SYK: variants seen among roughly 807,000 people sequenced by gnomAD.
SYK encodes the protein tyrosine-protein kinase SYK.
Under a neutral mutation model 77.8 loss-of-function variants are expected in SYK, and 16 were observed. The observed-to-expected ratio is 0.21, with a 90% CI of 0.14 to 0.31. The LOEUF is 0.31. Among genes scored for constraint, SYK ranks in the 10% least tolerant of loss-of-function variants. SYK has a pLI of 1.00. For synonymous variants in SYK, 312 were observed against 308.7 expected, an observed-to-expected ratio of 1.01 and a Z score of -0.11; for missense variants, 529 against 814.4, an observed-to-expected ratio of 0.65 and a Z score of 4.26.
chr9:90,867,849 T>C (rs1337855394), intron 7 of SYK, among the ~76,000 whole-genome samples: 1 of 152,232 alleles, frequency 6.6e-6, no homozygotes, highest in African/African-American at 2.4e-5. Flanking sequence ...TTCATGACTT[T>C]TATTTATAAT....
rs1828959243 is a variant in SYK, at chr9:90,895,748, C to T, written c.*148C>T. The T allele has an allele frequency of 4.2e-6, 3 of 711,360 alleles. No homozygotes were observed. The highest frequency in any genetic ancestry group is 7.2e-6 in the Non-Finnish European group (3 of 418,726). The allele number at this position is 711,360 out of a possible 1,614,324, so 44.1% of individuals were successfully genotyped here. A position where few individuals can be genotyped will look rare whatever the true frequency, so the allele number is the denominator to read the frequency against. On this transcript the variant is annotated 3_prime_UTR_variant, in exon 14 of 14. Coordinates refer to ENST00000375754, the MANE Select transcript of SYK (RefSeq NM_003177.7). This position sits in a 1 kb window ranked among gnomAD's most constrained non-coding sequence, Gnocchi z 4.4. ...CATGCCCACAACTTGTCACCCAAAGCCTGTCCCAGGACTCACCCTCCACAA... is the reference window on the plus strand; with the variant it reads ...CATGCCCACAACTTGTCACCCAAAGTCTGTCCCAGGACTCACCCTCCACAA...
intron 11 of SYK, among the ~76,000 whole-genome samples, chr9:90,882,897 C>T (rs10993744): frequency 0.43 from 64,910 of 151,876 alleles, 14,494 homozygotes; most frequent in Middle Eastern, 0.58. Context: ...CCCCAGGGCT[C>T]CACATTCCAG....
At chr9:90,867,251 C>G (rs1433566483) in intron 7 of SYK, 52 bp downstream of exon 7, 1 of 1,575,714 alleles carries the variant, frequency 6.3e-7, no homozygotes, top group Admixed American at 1.7e-5. Flanking sequence ...GACCAACGCG[C>G]ACTCAGCTCC....
At chr9:90,820,128 C>T (rs1168098710) in intron 1 of SYK, among the ~76,000 whole-genome samples, 1 of 152,208 alleles carries the variant, frequency 6.6e-6, no homozygotes, top group Non-Finnish European at 1.5e-5. Flanking sequence ...CAGCTTCATC[C>T]CTGTGGCTTT....
At chr9:90,814,099 T>TAACAGATATTTCTCA (rs879721930) in intron 1 of SYK, among the ~76,000 whole-genome samples, 1 of 152,226 alleles carries the variant, frequency 6.6e-6, no homozygotes, top group Non-Finnish European at 1.5e-5. Flanking sequence ...ATTTCTCATA[T>TAACAGATATTTCTCA]TGTAATATAT....
Position 90,872,116 on chromosome 9 carries a change from T to A in SYK, c.916-2088T>A, listed in dbSNP as rs147637607. ...ATATTTTGACAACCCCATCTCTGTTTTAAAATTCTTCCCTGCAGGATTCAT... is the reference window on the plus strand; with the variant it reads ...ATATTTTGACAACCCCATCTCTGTTATAAAATTCTTCCCTGCAGGATTCAT... On this transcript the variant is annotated intron_variant, in intron 7 of 13. Transcript: ENST00000375754. 2.6e-3 allele frequency among the ~76,000 whole-genome samples: 395 copies of A among 152,352 alleles called. 1 individual carries two copies. Among genetic ancestry groups the A allele is most frequent in the Non-Finnish European group, 4.6e-3 (316 of 68,030 alleles).
intron 1 of SYK, among the ~76,000 whole-genome samples, chr9:90,823,053 C>T (rs570829236): frequency 6.6e-6 from 1 of 152,252 alleles, no homozygotes; most frequent in African/African-American, 2.4e-5. Context: ...TTTGCAAGAG[C>T]CTTGTCTCAG....
intron 1 of SYK, among the ~76,000 whole-genome samples, chr9:90,811,429 G>A (rs1825066956): frequency 6.6e-6 from 1 of 151,966 alleles, no homozygotes; most frequent in South Asian, 2.1e-4. Flanking sequence ...TGACAAAAGT[G>A]GAGAAATATT....
At chr9:90,819,400 A>G in intron 1 of SYK, among the ~76,000 whole-genome samples, 1 of 152,216 alleles carries the variant, frequency 6.6e-6, no homozygotes, top group East Asian at 1.9e-4. Flanking sequence ...ACTGCTGATA[A>G]AGACATGCCC....
intron 1 of SYK, among the ~76,000 whole-genome samples, chr9:90,828,754 C>A (rs932651497): frequency 1.3e-5 from 2 of 152,174 alleles, no homozygotes; most frequent in Non-Finnish European, 2.9e-5. Context: ...GCATGTACTT[C>A]TTCCTGGTGG....
rs746010260 is a variant in SYK at position 90,844,239 on chromosome 9, A to G, written c.341A>G (p.Gln114Arg). ...KKPFNRPQGVQPKTGPFEDLK... is the reference protein window; with the variant it reads ...KKPFNRPQGVRPKTGPFEDLK... ...CCCTTCAACCGGCCCCAAGGGGTGC[A>G]GCCCAAGACTGGGCCCTTTGAGGAT... Residue 114 changes from glutamine (Q) to arginine (R), a missense_variant, in exon 2 of 14, where the codon CAG (glutamine) becomes CGG (arginine). Coordinates refer to ENST00000375754, the MANE Select transcript of SYK (RefSeq NM_003177.7). 6.2e-7 allele frequency: 1 copy of G among 1,614,190 alleles called. No homozygotes were observed. Among genetic ancestry groups the G allele is most frequent in the Non-Finnish European group, 8.5e-7 (1 of 1,180,008 alleles).
intron 3 of SYK, among the ~76,000 whole-genome samples, chr9:90,858,837 G>T (rs1827140336): frequency 6.6e-6 from 1 of 152,216 alleles, no homozygotes; most frequent in African/African-American, 2.4e-5. Flanking sequence ...GGGCTGCCCA[G>T]GCCACATGTC....
chr9:90,862,223 A>G lies in SYK; in HGVS notation c.596A>G (p.Asn199Ser). 1 of 1,612,802 alleles carries G rather than the reference A, an allele frequency of 6.2e-7. No homozygotes were observed. Among genetic ancestry groups the G allele is most frequent in the Non-Finnish European group, 8.5e-7 (1 of 1,179,250 alleles). The change falls in exon 4 of 14, where the codon AAC (asparagine) becomes AGC (serine). Residue 199 changes from asparagine (N) to serine (S), a missense_variant. This residue lies in a region of SYK where 321 missense variants were observed against 433.1 expected (regional missense o/e 0.74). Coordinates refer to ENST00000375754, the MANE Select transcript of SYK (RefSeq NM_003177.7). ...NGKFLIRARD[N>S]NGSYALCLLH... is the part of the protein sequence containing the mutation. ...TCTTCTAGGATCCGAGCCAGAGACA[A>G]CAACGGCTCCTACGCCCTGTGCCTG...
intron 3 of SYK, among the ~76,000 whole-genome samples, chr9:90,855,011 T>TACACACACACACACACACAC (rs55839931): frequency 6.1e-4 from 87 of 143,412 alleles, no homozygotes; most frequent in Middle Eastern, 6.9e-3. Flanking sequence ...CACACATACA[T>TACACACACACACACACACAC]ACACACACAC....
intron 11 of SYK, among the ~76,000 whole-genome samples, chr9:90,886,602 G>A (rs1341927117): frequency 6.6e-6 from 1 of 152,192 alleles, no homozygotes; most frequent in Non-Finnish European, 1.5e-5. Flanking sequence ...CTACCTGGGA[G>A]GCTGAGGCAG....
In SYK at chr9:90,895,778, A is replaced by G; in HGVS notation, c.*178A>G. The G allele has an allele frequency of 1.8e-6, 1 of 569,730 alleles. No individual in the cohort carries two copies. Among genetic ancestry groups the G allele is most frequent in the Non-Finnish European group, 3.1e-6 (1 of 319,346 alleles). The allele number at this position is 569,730 out of a possible 1,614,324, so 35.3% of individuals were successfully genotyped here. On this transcript the variant is annotated 3_prime_UTR_variant, in exon 14 of 14. Transcript: ENST00000375754. The surrounding 1 kb of genome is among the most constrained non-coding windows in gnomAD (Gnocchi z 4.4). ...CCCAGGACTCACCCTCCACAAAGCAAAGGCAGTCCCGGGAGAAAAGACGGA... is the reference window on the plus strand; with the variant it reads ...CCCAGGACTCACCCTCCACAAAGCAGAGGCAGTCCCGGGAGAAAAGACGGA...
chr9:90,889,890 G>A (rs1828723118), intron 13 of SYK, among the ~76,000 whole-genome samples: 1 of 152,216 alleles, frequency 6.6e-6, no homozygotes, highest in Non-Finnish European at 1.5e-5. Context: ...GGCAGCACTG[G>A]ACCCTGGGGA....
At chr9:90,851,684 G>A (rs969536256) in intron 3 of SYK, among the ~76,000 whole-genome samples, 1 of 152,166 alleles carries the variant, frequency 6.6e-6, no homozygotes, top group Non-Finnish European at 1.5e-5. Context: ...GCCCCCAGAG[G>A]CCTTGTATAG....
intron 1 of SYK, among the ~76,000 whole-genome samples, chr9:90,820,554 CT>C (rs1158598606): frequency 6.6e-6 from 1 of 152,236 alleles, no homozygotes; most frequent in Non-Finnish European, 1.5e-5. Context: ...ACGGTGGCCC[CT>C]TTCAGCCACA....
Sources: allele counts gnomAD v4.1 joint callset (sites outside exome capture counted in the v4.1 genomes callset), GRCh38; gene constraint gnomAD v4.1.1; regional missense constraint gnomAD v4.1.1; non-coding constraint Gnocchi (gnomAD v3.1); transcripts MANE v1.5; gene names NCBI Gene and HGNC (gene_info 2026-07-23, HGNC 2026-07-21).